Variants in DEPDC5 observed in about 807,000 individuals in gnomAD.
DEPDC5 encodes GATOR1 complex protein DEPDC5.
In DEPDC5, 73 loss-of-function variants were observed where a neutral mutation model predicts 217.3. That is an observed-to-expected ratio of 0.34 (90% CI 0.28 to 0.41). The LOEUF (loss-of-function observed/expected upper bound fraction) is 0.41. DEPDC5 is among the 10% of genes least tolerant of loss of function. DEPDC5 has a pLI of 1.00. For synonymous variants in DEPDC5, 733 were observed against 756.7 expected, an observed-to-expected ratio of 0.97 and a Z score of 0.51; for missense variants, 1,675 against 2,070.1, an observed-to-expected ratio of 0.81 and a Z score of 3.70.
chr22:31,860,230 A>G (rs2092460786), intron 32 of DEPDC5, among the ~76,000 whole-genome samples: 1 of 152,210 alleles, frequency 6.6e-6, no homozygotes, highest in Admixed American at 6.5e-5. Context: ...AGAAATGCCC[A>G]ACTGTTTCCC....
intron 24 of DEPDC5, among the ~76,000 whole-genome samples, chr22:31,828,452 C>CAAAAAAAAAA (rs35489633): frequency 1.4e-5 from 1 of 73,202 alleles, no homozygotes; most frequent in East Asian, 4.0e-4. Context: ...AACTCCGTCT[C>CAAAAAAAAAA]AAAAAAAAAA....
At chr22:31,813,577 C>T (rs117249791) in intron 20 of DEPDC5, among the ~76,000 whole-genome samples, 326 of 152,138 alleles carry the variant, frequency 2.1e-3, no homozygotes, top group Middle Eastern at 6.8e-3. Flanking sequence ...CTTGCTTTTT[C>T]GTTCTGAGCT....
intron 25 of DEPDC5, among the ~76,000 whole-genome samples, chr22:31,835,848 G>A (rs1324167613): frequency 6.6e-6 from 1 of 152,200 alleles, no homozygotes; most frequent in Non-Finnish European, 1.5e-5. Flanking sequence ...GTGGTGCCAC[G>A]TGGGGCATCT....
chr22:31,784,699 C>A, intron 9 of DEPDC5, 115 bp from the exon 10 acceptor site: 1 of 856,316 alleles, frequency 1.2e-6, no homozygotes, highest in Non-Finnish European at 1.8e-6. Flanking sequence ...AAGCAGTTTA[C>A]TTAGGGAATT....
chr22:31,892,873 ATTTTTTTTTTTT>A (rs948740613), intron 38 of DEPDC5, among the ~76,000 whole-genome samples: 7 of 120,084 alleles, frequency 5.8e-5, no homozygotes, highest in African/African-American at 1.9e-4. Context: ...TTGGTGGTGT[ATTTTTTTTTTTT>A]TTTTTTTTTG....
chr22:31,790,617 A>C (rs189895243), intron 10 of DEPDC5, among the ~76,000 whole-genome samples: 1 of 152,200 alleles, frequency 6.6e-6, no homozygotes, highest in African/African-American at 2.4e-5. Context: ...ACAATTCTGC[A>C]GAAATTAAAA....
At chr22:31,885,989 C>T (rs142687233) in intron 38 of DEPDC5, among the ~76,000 whole-genome samples, 3 of 150,326 alleles carry the variant, frequency 2.0e-5, no homozygotes, top group African/African-American at 7.4e-5. Context: ...GCCAAGATCA[C>T]TCCATTGCAC....
At chr22:31,789,668 C>G (rs545132796) in intron 10 of DEPDC5, among the ~76,000 whole-genome samples, 12 of 152,146 alleles carry the variant, frequency 7.9e-5, no homozygotes, top group African/African-American at 2.9e-4. Context: ...CACATGAAAA[C>G]ATTTTGATGA....
intron 26 of DEPDC5, among the ~76,000 whole-genome samples, chr22:31,837,965 A>C (rs549037697): frequency 6.6e-6 from 1 of 152,058 alleles, no homozygotes; most frequent in Non-Finnish European, 1.5e-5. Flanking sequence ...GGCCTCCCAA[A>C]GTGCTGGGAT....
chr22:31,778,064 A>G, intron 7 of DEPDC5, 35 bp from the exon 8 acceptor site: 1 of 1,611,848 alleles, frequency 6.2e-7, no homozygotes, highest in Middle Eastern at 1.7e-4. Context: ...GGTTTCATGT[A>G]AGACTTGTAA....
chr22:31,831,019 ATGAAAATGAAAGTT>A (rs2090555553), intron 24 of DEPDC5: 2 of 150,900 alleles, frequency 1.3e-5, no homozygotes, highest in Admixed American at 1.3e-4. Flanking sequence ...TTATATTTGT[ATGAAAATGAAAGTT>A]GTCAGCCAAG....
At chr22:31,792,895 G>T in intron 12 of DEPDC5, 78 bp downstream of exon 12, 2 of 1,263,994 alleles carry the variant, frequency 1.6e-6, no homozygotes, top group Non-Finnish European at 1.0e-6. Context: ...AGTCAGCCTG[G>T]GCAACATGGC....
chr22:31,844,930 A>G, intron 29 of DEPDC5, 88 bp from the exon 30 acceptor site: 1 of 1,386,582 alleles, frequency 7.2e-7, no homozygotes, highest in South Asian at 1.2e-5. Context: ...ATGGACCTTC[A>G]CACACCAACT....
chr22:31,778,307 G>T, intron 8 of DEPDC5, 139 bp downstream of exon 8: 1 of 810,070 alleles, frequency 1.2e-6, no homozygotes, highest in Non-Finnish European at 2.0e-6. Flanking sequence ...AGACAAGCCT[G>T]GGCAACATGG....
chr22:31,858,449 G>C (rs1453463441), intron 32 of DEPDC5: 13 of 152,152 alleles, frequency 8.5e-5, no homozygotes, highest in Admixed American at 8.5e-4. Flanking sequence ...GATAGGACAA[G>C]CTGACTGTAC....
chr22:31,838,364 C>T (rs1404058307), intron 26 of DEPDC5, among the ~76,000 whole-genome samples: 2 of 152,124 alleles, frequency 1.3e-5, no homozygotes, highest in Non-Finnish European at 2.9e-5. Flanking sequence ...TGGCTCACTG[C>T]AACCTCTGCT....
At chr22:31,774,858 G>C (rs1261981437) in intron 7 of DEPDC5, among the ~76,000 whole-genome samples, 26 of 151,990 alleles carry the variant, frequency 1.7e-4, no homozygotes, top group Non-Finnish European at 1.2e-4. Context: ...TCTTGACCTC[G>C]TGATCCACCC....
rs200039638 is a variant in DEPDC5, at chr22:31,768,799, T to C, written c.364-15T>C. ...CTCCCTCCCTCTCTCTACCCCTCTCTCCCCCTCCTCTTAGGTCAGCACATG... is the reference window on the plus strand; with the variant it reads ...CTCCCTCCCTCTCTCTACCCCTCTCCCCCCCTCCTCTTAGGTCAGCACATG... On this transcript the variant is annotated splice_polypyrimidine_tract_variant and intron_variant, in intron 6 of 42. Transcript: ENST00000651528. The C allele has an allele frequency of 6.5e-7, 1 of 1,541,988 alleles. No individual in the cohort carries two copies. The highest frequency in any genetic ancestry group is 8.9e-7 in the Non-Finnish European group (1 of 1,119,230).
At chr22:31,807,679 G>C (rs982737032) in intron 18 of DEPDC5, among the ~76,000 whole-genome samples, 1 of 152,158 alleles carries the variant, frequency 6.6e-6, no homozygotes, top group Non-Finnish European at 1.5e-5. Context: ...TGACCCACCC[G>C]CCTCAGCCTC....
Sources: allele counts gnomAD v4.1 joint callset (sites outside exome capture counted in the v4.1 genomes callset), GRCh38; gene constraint gnomAD v4.1.1; transcripts MANE v1.5; gene names NCBI Gene and HGNC (gene_info 2026-07-23, HGNC 2026-07-21).